The following UBXN2A variants were observed in gnomAD, a reference collection of about 807,000 sequenced individuals.
The protein encoded by UBXN2A is UBX domain protein 2A.
UBXN2A carries 28 observed loss-of-function variants against 28.4 expected under a neutral mutation model. The ratio of observed to expected loss-of-function variants is 0.99; its 90% CI spans 0.73 to 1.35. UBXN2A has a LOEUF of 1.35. UBXN2A is among the 40% of genes most tolerant of loss of function. The probability of loss-of-function intolerance (pLI) is 0.00; values close to 1 mark genes in which losing one functional copy is unlikely to be tolerated. For synonymous variants in UBXN2A, 97 were observed against 103.6 expected (o/e 0.94, Z 0.39); for missense variants, 253 against 297.9 (o/e 0.85, Z 1.11).
intron 4 of UBXN2A, among the ~76,000 whole-genome samples, chr2:23,979,558 A>G (rs565236729): frequency 6.6e-6 from 1 of 152,260 alleles, no homozygotes; most frequent in East Asian, 1.9e-4. Flanking sequence ...CGTAATTTTT[A>G]TATATACTTA....
chr2:23,958,597 T>C (rs1034813566), intron 2 of UBXN2A, among the ~76,000 whole-genome samples: 4 of 152,236 alleles, frequency 2.6e-5, no homozygotes, highest in African/African-American at 9.6e-5. Flanking sequence ...ACATTACTTC[T>C]GTTATTTGAT....
At chr2:23,934,215 TA>T (rs150284800) in intron 1 of UBXN2A, among the ~76,000 whole-genome samples, 80 of 145,980 alleles carry the variant, frequency 5.5e-4, no homozygotes, top group Non-Finnish European at 6.8e-4. Flanking sequence ...TGTGTTAAAA[TA>T]AAAAAAAAAA....
intron 5 of UBXN2A, 25 bp from the exon 6 acceptor site, chr2:23,984,648 A>G (rs571771159): frequency 3.5e-6 from 5 of 1,441,062 alleles, no homozygotes; most frequent in Non-Finnish European, 4.6e-6. Context: ...AAAAACGTCT[A>G]ACTTTGTTGT....
At chr2:23,991,874 C>T (rs1708368005) in intron 6 of UBXN2A, among the ~76,000 whole-genome samples, 1 of 152,066 alleles carries the variant, frequency 6.6e-6, no homozygotes, top group African/African-American at 2.4e-5. Context: ...TCATTGAAAC[C>T]TCTGCCTCCT....
chr2:23,933,904 C>G (rs1705450323), intron 1 of UBXN2A, among the ~76,000 whole-genome samples: 1 of 152,046 alleles, frequency 6.6e-6, no homozygotes, highest in South Asian at 2.1e-4. Context: ...AACACGAAAT[C>G]AAGAGGCAAA....
chr2:23,952,212 C>T (rs1419508550), intron 1 of UBXN2A, among the ~76,000 whole-genome samples: 1 of 151,982 alleles, frequency 6.6e-6, no homozygotes, highest in African/African-American at 2.4e-5. Flanking sequence ...GGTGATCCAC[C>T]TGCCTTGGCC....
intron 1 of UBXN2A, among the ~76,000 whole-genome samples, chr2:23,953,793 C>T (rs1018547373): frequency 6.6e-6 from 1 of 152,120 alleles, no homozygotes; most frequent in African/African-American, 2.4e-5. Context: ...TCTGATTATG[C>T]TCCTTTGTGC....
intron 3 of UBXN2A, among the ~76,000 whole-genome samples, chr2:23,975,663 C>T (rs1258026031): frequency 6.6e-6 from 1 of 152,012 alleles, no homozygotes; most frequent in Non-Finnish European, 1.5e-5. Context: ...TTTAAGATGG[C>T]GTTTCACTAC....
At chr2:23,982,503 A>C (rs1707954141) in intron 4 of UBXN2A, among the ~76,000 whole-genome samples, 1 of 151,336 alleles carries the variant, frequency 6.6e-6, no homozygotes, top group Admixed American at 6.6e-5. Context: ...ACTGCTATAA[A>C]ACTCATGCTG....
intron 2 of UBXN2A, among the ~76,000 whole-genome samples, chr2:23,966,964 G>T (rs1707208089): frequency 6.6e-6 from 1 of 151,408 alleles, no homozygotes; most frequent in Admixed American, 6.6e-5. Flanking sequence ...TCGCCATGTT[G>T]CCCAGGCTGG....
At chr2:23,970,570 AG>A (rs1358068831) in intron 2 of UBXN2A, among the ~76,000 whole-genome samples, 1 of 152,080 alleles carries the variant, frequency 6.6e-6, no homozygotes, top group Non-Finnish European at 1.5e-5. Context: ...CGGACCTGTC[AG>A]GAGAGAAGGG....
In UBXN2A at chr2:23,958,344, A is replaced by G; in HGVS notation, c.30A>G (p.Ile10Met). Residue 10 changes from isoleucine (I) to methionine (M), a missense_variant, in exon 2 of 7, where the codon ATA becomes ATG. By Grantham distance (10) the Ile-to-Met change is conservative (BLOSUM62 1). Coordinates refer to ENST00000309033, the MANE Select transcript of UBXN2A (RefSeq NM_181713.4). ...AAGACGTAGATAACCTCAAAAGTATAAAAGAAGAATGGTAAGTTAATTCAA... is the reference window on the plus strand; with the variant it reads ...AAGACGTAGATAACCTCAAAAGTATGAAAGAAGAATGGTAAGTTAATTCAA... MKDVDNLKS[I>M]KEEWVCETGS... 3 of 1,606,110 alleles carry G rather than the reference A, an allele frequency of 1.9e-6. No individual in the cohort carries two copies. Among genetic ancestry groups the G allele is most frequent in the South Asian group, 2.3e-5 (2 of 88,650 alleles).
In UBXN2A at chr2:23,984,740, G is replaced by A; in HGVS notation, c.493G>A (p.Val165Ile). ...EVENKNNLSA[V>I]PLNNLEPITN... is the part of the protein sequence containing the mutation. ...TGAAAATAAAAATAATTTGTCTGCT[G>A]TTCCACTGAACAACTTGGAACCCAT... The change falls in exon 6 of 7, where the codon GTT (valine) becomes ATT (isoleucine). Residue 165 changes from valine (V) to isoleucine (I), a missense_variant. Val to Ile is a conservative substitution (Grantham distance 29). Coordinates refer to ENST00000309033, the MANE Select transcript of UBXN2A (RefSeq NM_181713.4). 1 of 1,565,264 alleles carries A rather than the reference G, an allele frequency of 6.4e-7. No individual in the cohort carries two copies. Among genetic ancestry groups the A allele is most frequent in the Non-Finnish European group, 8.6e-7 (1 of 1,164,574 alleles).
intron 1 of UBXN2A, chr2:23,944,103 C>A: frequency 4.2e-6 from 3 of 711,626 alleles, no homozygotes; most frequent in Non-Finnish European, 7.8e-6. Flanking sequence ...CTCTTTTTGG[C>A]ATGTCAGCCC....
intron 2 of UBXN2A, among the ~76,000 whole-genome samples, chr2:23,960,650 T>G (rs532135742): frequency 1.3e-5 from 2 of 152,276 alleles, no homozygotes; most frequent in South Asian, 4.1e-4. Flanking sequence ...TTTCTTTTTT[T>G]GAGACGGAAT....
intron 6 of UBXN2A, among the ~76,000 whole-genome samples, chr2:23,994,621 T>C (rs1055026603): frequency 6.6e-6 from 1 of 152,230 alleles, no homozygotes; most frequent in Non-Finnish European, 1.5e-5. Flanking sequence ...CTTGTAGACT[T>C]TTCATTTGAG....
In UBXN2A at chr2:24,003,888, T is replaced by C. The variant is rs1184012366; in HGVS notation, c.*4021T>C. On this transcript the variant is annotated 3_prime_UTR_variant, in exon 7 of 7. Coordinates refer to ENST00000309033, the MANE Select transcript of UBXN2A (RefSeq NM_181713.4). ...TATTTGCATAATTATAGTCAACATA[T>C]GATTCTCCATGTAGGGGTCTCTCAT... is the stretch of plus-strand genomic sequence containing the variant. The C allele has an allele frequency of 1.3e-5, 2 of 152,202 alleles. No individual in the cohort carries two copies. Among genetic ancestry groups the C allele is most frequent in the Non-Finnish European group, 2.9e-5 (2 of 68,042 alleles). 9.4% of individuals were successfully genotyped at this position (152,202 alleles called of 1,614,324 possible).
intron 1 of UBXN2A, among the ~76,000 whole-genome samples, chr2:23,947,764 A>G (rs959754250): frequency 6.6e-6 from 1 of 152,212 alleles, no homozygotes; most frequent in African/African-American, 2.4e-5. Flanking sequence ...AGAAACTGTC[A>G]TACTGATACT....
At chr2:23,975,582 G>GA (rs1238609529) in intron 3 of UBXN2A, among the ~76,000 whole-genome samples, 1 of 151,942 alleles carries the variant, frequency 6.6e-6, no homozygotes, top group Non-Finnish European at 1.5e-5. Context: ...GGCTTATGTT[G>GA]AAAAAAGGCT....
Sources: gnomAD v4.1 joint callset for allele counts (sites outside exome capture counted in the v4.1 genomes callset) on GRCh38, gnomAD v4.1.1 for gene constraint, MANE v1.5 for transcripts, NCBI Gene and HGNC (gene_info 2026-07-23, HGNC 2026-07-21) for gene names.